TFIP11: variants seen among roughly 807,000 people sequenced by gnomAD.
The protein encoded by TFIP11 is tuftelin-interacting protein 11.
TFIP11 carries 86 observed loss-of-function variants against 96.8 expected under a neutral mutation model. The ratio of observed to expected loss-of-function variants is 0.89; its 90% CI spans 0.75 to 1.06. The LOEUF is 1.06. Ranked by LOEUF, TFIP11 falls within the 50% of genes least tolerant of loss-of-function variation. The pLI is 0.00. For synonymous variants in TFIP11, 405 were observed against 395.2 expected (o/e 1.02, Z -0.29); for missense variants, 881 against 1,076.7 (o/e 0.82, Z 2.54).
At chr22:26,495,694 G>A (rs1019211427) in intron 12 of TFIP11, among the ~76,000 whole-genome samples, 3 of 151,194 alleles carry the variant, frequency 2.0e-5, no homozygotes, top group Admixed American at 6.6e-5. Flanking sequence ...GTGTGTGTGT[G>A]TGTGTGTATG....
chr22:26,504,667 A>G (rs542067544), intron 6 of TFIP11, among the ~76,000 whole-genome samples: 1 of 152,192 alleles, frequency 6.6e-6, no homozygotes, highest in South Asian at 2.1e-4. Flanking sequence ...GAGACTTTGT[A>G]TCAAAAAAAA....
Position 26,499,594 on chromosome 22 carries a change from T to A in TFIP11, c.839A>T (p.Tyr280Phe), listed in dbSNP as rs1922526333. ...CTTGTGGCTGATCTGACTGTAGCTG[T>A]AGTAGACCTTCTGCTCCCGGCCTGT... Reference protein sequence around the residue: ...DMTGREQKVYYSYSQISHKHN... With the variant: ...DMTGREQKVYFSYSQISHKHN... Residue 280 changes from tyrosine to phenylalanine, a missense_variant, in exon 9 of 15, where the codon TAC (tyrosine) becomes TTC (phenylalanine). Coordinates refer to ENST00000407690, the MANE Select transcript of TFIP11 (RefSeq NM_012143.4). The A allele has an allele frequency of 6.8e-6, 11 of 1,613,630 alleles. No homozygotes were observed. Among genetic ancestry groups the A allele is most frequent in the Non-Finnish European group, 9.3e-6 (11 of 1,179,878 alleles).
rs529787038 is a variant in TFIP11 at position 26,511,111 on chromosome 22, T to C, written c.-95-409A>G. On this transcript the variant is annotated intron_variant, in intron 2 of 14. Coordinates refer to ENST00000407690, the MANE Select transcript of TFIP11 (RefSeq NM_012143.4). ...ATATAAAGGGGAGCTTATTAACTAT[T>C]AACTCACACGATCAAAAGGTCCCAC... 4.6e-5 allele frequency: 7 copies of C among 152,296 alleles called. 1 individual carries two copies. The East Asian group carries it at 1.3e-3, about 29-fold the overall frequency. The allele number at this position is 152,296 out of a possible 1,614,324, so 9.4% of individuals were successfully genotyped here. A position where few individuals can be genotyped will look rare whatever the true frequency, so the allele number is the denominator to read the frequency against.
At chr22:26,497,234 A>G (rs973279924) in intron 10 of TFIP11, among the ~76,000 whole-genome samples, 4 of 151,940 alleles carry the variant, frequency 2.6e-5, no homozygotes, top group Non-Finnish European at 4.4e-5. Flanking sequence ...CACAATTTCA[A>G]CGTCACCTCC....
intron 12 of TFIP11, 98 bp from the exon 13 acceptor site, chr22:26,495,037 C>T (rs915028445): frequency 1.2e-5 from 19 of 1,520,148 alleles, no homozygotes; most frequent in Admixed American, 1.9e-5. Context: ...TCTCAGCTTA[C>T]AGCAACCTCC....
chr22:26,491,849 C>T lies in TFIP11; in HGVS notation c.*164G>A, dbSNP rs534524731. On this transcript the variant is annotated 3_prime_UTR_variant, in exon 15 of 15. Transcript: ENST00000407690. ...ACTTGGTATAAAGATTCCTGCCCTA[C>T]GTGGCATTGTCCCATTTTACATCCT... 1.2e-4 allele frequency: 115 copies of T among 927,742 alleles called. No individual in the cohort carries two copies. Among genetic ancestry groups the T allele is most frequent in the South Asian group, 8.1e-4 (47 of 57,688 alleles). The allele number at this position is 927,742 out of a possible 1,614,324, so 57.5% of individuals were successfully genotyped here. A position where few individuals can be genotyped will look rare whatever the true frequency, so the allele number is the denominator to read the frequency against.
intron 10 of TFIP11, among the ~76,000 whole-genome samples, chr22:26,498,043 A>T (rs1922281981): frequency 6.6e-6 from 1 of 152,214 alleles, no homozygotes. Flanking sequence ...CTCAGCCATA[A>T]AAAGGAATGA....
Position 26,510,694 on chromosome 22 carries a change from T to C in TFIP11, c.-87A>G. The C allele has an allele frequency of 5.9e-6, 1 of 168,950 alleles. No individual in the cohort carries two copies. Among genetic ancestry groups the C allele is most frequent in the Non-Finnish European group, 1.3e-5 (1 of 77,468 alleles). 10.5% of individuals were successfully genotyped at this position (168,950 alleles called of 1,614,324 possible). A position where few individuals can be genotyped will look rare whatever the true frequency, so the allele number is the denominator to read the frequency against. On this transcript the variant is annotated 5_prime_UTR_variant, in exon 3 of 15. Transcript: ENST00000407690. The stretch of plus-strand genomic sequence containing the variant: ...TGAGGAAAGAATTATATCTGGATCC[T>C]TGGTGGTCCTAGGAGAGTGATTTTT...
Position 26,498,918 on chromosome 22 carries a change from G to C in TFIP11, c.1387C>G (p.Gln463Glu), listed in dbSNP as rs1172781455. 1.9e-6 allele frequency: 3 copies of C among 1,613,872 alleles called. No individual in the cohort carries two copies. The highest frequency in any genetic ancestry group is 1.7e-5 in the Admixed American group (1 of 60,002). ...SKWKSLLENDQLLSHGGQDLS... is the reference protein window; with the variant it reads ...SKWKSLLENDELLSHGGQDLS... ...TCCTGTCCGCCATGGGACAAGAGCT[G>C]GTCATTCTCTAGGAGGCTTTTCCAC... The change falls in exon 10 of 15, where the codon CAG (glutamine) becomes GAG (glutamate). Residue 463 changes from glutamine (Q) to glutamate (E), a missense_variant. Gln to Glu is a conservative substitution (Grantham distance 29). Coordinates refer to ENST00000407690, the MANE Select transcript of TFIP11 (RefSeq NM_012143.4).
At position 26,496,769 on chromosome 22, in the gene TFIP11, G is replaced by A. The variant is rs747468979; in HGVS notation, c.1557C>T (p.Ile519=). Residue 519 remains isoleucine, a synonymous_variant, in exon 11 of 15, where the codon ATC becomes ATT. Coordinates refer to ENST00000407690, the MANE Select transcript of TFIP11 (RefSeq NM_012143.4). ...TGAGTTGGTCCAGTATGTTATCTAAGATCCACACAGGAATAATGTGCACCC... is the reference window on the plus strand; with the variant it reads ...TGAGTTGGTCCAGTATGTTATCTAAAATCCACACAGGAATAATGTGCACCC... ...DSWVHIIPVW[I]LDNILDQLIF... is the part of the protein sequence containing the mutation. 3.7e-6 allele frequency: 6 copies of A among 1,614,122 alleles called. No homozygotes were observed. Among genetic ancestry groups the A allele is most frequent in the Non-Finnish European group, 4.2e-6 (5 of 1,180,014 alleles).
chr22:26,494,919 C>T lies in TFIP11; in HGVS notation c.1870G>A (p.Val624Ile), dbSNP rs1036501522. 11 of 1,614,088 alleles carry T rather than the reference C, an allele frequency of 6.8e-6. No homozygotes were observed. Among genetic ancestry groups the T allele is most frequent in the Non-Finnish European group, 9.3e-6 (11 of 1,180,036 alleles). The change falls in exon 13 of 15, where the codon GTC (valine) becomes ATC (isoleucine). Residue 624 changes from valine (V) to isoleucine (I), a missense_variant. Transcript: ENST00000407690. ...PKLGMCLGELVINPHQQHMDA... is the reference protein window; with the variant it reads ...PKLGMCLGELIINPHQQHMDA... ...ATGTGCTGCTGGTGGGGGTTAATGA[C>T]TAGCTCACCAAGACACATCCCTGGA...
At position 26,498,912 on chromosome 22, in the gene TFIP11, A is replaced by G. The variant is rs1569159524; in HGVS notation, c.1393T>C (p.Leu465=). The G allele has an allele frequency of 1.2e-6, 2 of 1,613,868 alleles. No homozygotes were observed. The highest frequency in any genetic ancestry group is 1.3e-5 in the African/African-American group (1 of 74,964). Residue 465 remains leucine (L), a synonymous_variant, in exon 10 of 15, where the codon TTG becomes CTG. Coordinates refer to ENST00000407690, the MANE Select transcript of TFIP11 (RefSeq NM_012143.4). ...WKSLLENDQL[L]SHGGQDLSAD... ...GAGAGGTCCTGTCCGCCATGGGACAAGAGCTGGTCATTCTCTAGGAGGCTT... is the reference window on the plus strand; with the variant it reads ...GAGAGGTCCTGTCCGCCATGGGACAGGAGCTGGTCATTCTCTAGGAGGCTT...
In TFIP11 at chr22:26,494,230, C is replaced by A. The variant is rs1305129818; in HGVS notation, c.2067G>T (p.Met689Ile). The A allele has an allele frequency of 1.2e-6, 2 of 1,614,132 alleles. No individual in the cohort carries two copies. The highest frequency in any genetic ancestry group is 1.7e-6 in the Non-Finnish European group (2 of 1,180,054). Residue 689 changes from methionine (M) to isoleucine (I), a missense_variant, in exon 14 of 15, where the codon ATG becomes ATT. Met to Ile is a conservative substitution (Grantham distance 10). Coordinates refer to ENST00000407690, the MANE Select transcript of TFIP11 (RefSeq NM_012143.4). ...ITKWYLGWKSMFSDQVLAHPS... is the reference protein window; with the variant it reads ...ITKWYLGWKSIFSDQVLAHPS... ...GATGTGCCAGCACTTGGTCTGAGAA[C>A]ATCGACTTCCAACCCAGGTACCACT...
At chr22:26,503,432 A>G (rs1923028784) in intron 7 of TFIP11, among the ~76,000 whole-genome samples, 1 of 152,182 alleles carries the variant, frequency 6.6e-6, no homozygotes, top group South Asian at 2.1e-4. Flanking sequence ...TTTTCTGTCT[A>G]GGCAGCTCCT....
At chr22:26,499,994 C>G (rs1042805894) in intron 8 of TFIP11, among the ~76,000 whole-genome samples, 1 of 151,978 alleles carries the variant, frequency 6.6e-6, no homozygotes, top group African/African-American at 2.4e-5. Flanking sequence ...ATCAGAATAT[C>G]ACATTTTGAT....
chr22:26,499,728 A>G (rs1922548781), intron 8 of TFIP11, 97 bp from the exon 9 acceptor site: 1 of 1,269,750 alleles, frequency 7.9e-7, no homozygotes, highest in South Asian at 1.4e-5. Flanking sequence ...GGAAGTGTGT[A>G]GAAACCACAT....
intron 2 of TFIP11, chr22:26,511,039 TAGTC>T (rs1339094312): frequency 6.6e-6 from 1 of 152,266 alleles, no homozygotes; most frequent in Non-Finnish European, 1.5e-5. Context: ...ATCATTGTAT[TAGTC>T]AGGGTTCTCT....
chr22:26,501,808 G>GT (rs1922826117), intron 8 of TFIP11, 92 bp downstream of exon 8: 1 of 423,284 alleles, frequency 2.4e-6, no homozygotes, highest in Non-Finnish European at 3.5e-6. Context: ...AAAAAAAAAA[G>GT]CCTAGCTAAA....
chr22:26,511,019 G>A (rs1923985738), intron 2 of TFIP11: 1 of 152,248 alleles, frequency 6.6e-6, no homozygotes, highest in South Asian at 2.1e-4. Context: ...TTAGTCCCAT[G>A]ATTAGGTTAA....
Sources: gnomAD v4.1 joint callset for allele counts (sites outside exome capture counted in the v4.1 genomes callset) on GRCh38, gnomAD v4.1.1 for gene constraint, MANE v1.5 for transcripts, NCBI Gene and HGNC (gene_info 2026-07-23, HGNC 2026-07-21) for gene names.